KIRREL3: variants seen among roughly 807,000 people sequenced by gnomAD.
The protein encoded by KIRREL3 is kirre like nephrin family adhesion molecule 3.
A neutral mutation model predicts 89.7 loss-of-function variants in KIRREL3; 36 were observed. The observed-to-expected ratio is 0.40, with a 90% CI of 0.31 to 0.53. The LOEUF (loss-of-function observed/expected upper bound fraction) is 0.53. KIRREL3 is among the 20% of genes least tolerant of loss of function. KIRREL3 has a pLI of 0.49. For synonymous variants in KIRREL3, 445 were observed against 441.4 expected (o/e 1.01, Z -0.10); for missense variants, 864 against 1,056.6 (o/e 0.82, Z 2.53).
Position 126,557,295 on chromosome 11 carries a change from T to C in KIRREL3, c.133+5540A>G. ...GACAGATGGGAGAAAGAAACACGGA[T>C]CCACCTTCAGAGGCTGCCAAGGAAA... On this transcript the variant is annotated intron_variant, in intron 2 of 16. Coordinates refer to ENST00000525144, the MANE Select transcript of KIRREL3 (RefSeq NM_032531.4). The surrounding 1 kb of genome is among the most constrained non-coding windows in gnomAD (Gnocchi z 5.6). 6.6e-6 allele frequency among the ~76,000 whole-genome samples: 1 copy of C among 152,206 alleles called. No homozygotes were observed. Among genetic ancestry groups the C allele is most frequent in the East Asian group, 1.9e-4 (1 of 5,188 alleles).
rs933836760 is a variant in KIRREL3, at chr11:126,486,049, C to T, written c.434-12583G>A. ...AAACCCTGAAAGAGGGTCTGAGCAT[C>T]TCAGGGCAGAGCTACTTGTGAGGAG... On this transcript the variant is annotated intron_variant, in intron 4 of 16. Transcript: ENST00000525144. The surrounding 1 kb of genome is among the most constrained non-coding windows in gnomAD (Gnocchi z 6.2). 1.1e-4 allele frequency among the ~76,000 whole-genome samples: 17 copies of T among 152,186 alleles called. No individual in the cohort carries two copies. The highest frequency in any genetic ancestry group is 3.9e-4 in the African/African-American group (16 of 41,440).
chr11:126,456,763 A>T (rs1956357857), intron 6 of KIRREL3, among the ~76,000 whole-genome samples: 1 of 152,048 alleles, frequency 6.6e-6, no homozygotes, highest in Non-Finnish European at 1.5e-5. Flanking sequence ...ATAATCTAGG[A>T]AGGAGAGGTG....
At chr11:126,629,874 C>T (rs1472246470) in intron 1 of KIRREL3, among the ~76,000 whole-genome samples, 1 of 152,196 alleles carries the variant, frequency 6.6e-6, no homozygotes, top group Admixed American at 6.5e-5. Flanking sequence ...CTCTTTCTAA[C>T]CCCAAGATAC....
rs973018047 is a variant in KIRREL3 at position 126,639,635 on chromosome 11, G to A, written c.56-76723C>T. On this transcript the variant is annotated intron_variant, in intron 1 of 16. Coordinates refer to ENST00000525144, the MANE Select transcript of KIRREL3 (RefSeq NM_032531.4). This position sits in a 1 kb window ranked among gnomAD's most constrained non-coding sequence, Gnocchi z 4.3. ...TAATCCTGACTCTATTCTTTCGTCTGCTCTGCTAGCTGGCCCTACTTGTAC... is the reference window on the plus strand; with the variant it reads ...TAATCCTGACTCTATTCTTTCGTCTACTCTGCTAGCTGGCCCTACTTGTAC... 2.0e-5 allele frequency among the ~76,000 whole-genome samples: 3 copies of A among 152,200 alleles called. No homozygotes were observed. Among genetic ancestry groups the A allele is most frequent in the Admixed American group, 2.0e-4 (3 of 15,282 alleles).
chr11:126,998,734 A>C (rs1950239374), intron 1 of KIRREL3, among the ~76,000 whole-genome samples: 1 of 152,208 alleles, frequency 6.6e-6, no homozygotes, highest in Non-Finnish European at 1.5e-5. Context: ...TTCTTATGCC[A>C]ATCTACATAA....
At position 126,904,778 on chromosome 11, in the gene KIRREL3, A is replaced by G. The variant is rs1171557473; in HGVS notation, c.55+95677T>C. ...TCTATTTTTATCCTATGTTCACTCA[A>G]TATTTGTAGCATTCTCTTTGCGTCT... On this transcript the variant is annotated intron_variant, in intron 1 of 16. Coordinates refer to ENST00000525144, the MANE Select transcript of KIRREL3 (RefSeq NM_032531.4). This position sits in a 1 kb window ranked among gnomAD's most constrained non-coding sequence, Gnocchi z 4.4. Among the ~76,000 whole-genome samples, 1 of 152,170 alleles carries G rather than the reference A, an allele frequency of 6.6e-6. No individual in the cohort carries two copies. The highest frequency in any genetic ancestry group is 1.5e-5 in the Non-Finnish European group (1 of 68,026).
At chr11:126,856,555 GTATATATATATATA>G (rs36218965) in intron 1 of KIRREL3, among the ~76,000 whole-genome samples, 56 of 136,746 alleles carry the variant, frequency 4.1e-4, no homozygotes, top group Admixed American at 5.1e-4. Flanking sequence ...ATTTTTCTAA[GTATATATATATATA>G]TATATATATA....
chr11:126,889,793 G>C (rs1051365490), intron 1 of KIRREL3, among the ~76,000 whole-genome samples: 1 of 152,186 alleles, frequency 6.6e-6, no homozygotes, highest in African/African-American at 2.4e-5. Flanking sequence ...TGGATAATTA[G>C]ATATCTTTTG....
intron 1 of KIRREL3, among the ~76,000 whole-genome samples, chr11:126,658,320 G>C (rs10790819): frequency 0.16 from 24,094 of 152,056 alleles, 2,427 homozygotes; most frequent in East Asian, 0.42. Flanking sequence ...AATTATCTAG[G>C]GAAACTCATA....
At chr11:126,438,333 C>G (rs1181913523) in intron 11 of KIRREL3, among the ~76,000 whole-genome samples, 1 of 152,234 alleles carries the variant, frequency 6.6e-6, no homozygotes, top group Non-Finnish European at 1.5e-5. Flanking sequence ...CTGTCTGCAC[C>G]TCATCGTGTA....
intron 2 of KIRREL3, among the ~76,000 whole-genome samples, chr11:126,533,252 A>G (rs1447998027): frequency 6.6e-6 from 1 of 152,218 alleles, no homozygotes; most frequent in Admixed American, 6.5e-5. Context: ...CAGCACTGGC[A>G]GTGAGAAGGG....
rs752571193 is a variant in KIRREL3, at chr11:127,000,419, G to A, written c.55+36C>T. On this transcript the variant is annotated intron_variant, in intron 1 of 16. Coordinates refer to ENST00000525144, the MANE Select transcript of KIRREL3 (RefSeq NM_032531.4). The surrounding 1 kb of genome is among the most constrained non-coding windows in gnomAD (Gnocchi z 7.1). The stretch of plus-strand genomic sequence containing the variant: ...CCTCCCGCGCCCTGACAACCCAGCC[G>A]ACTTTCTTCCAACTCCAGCAGCGCA... 160 of 1,568,498 alleles carry A rather than the reference G, an allele frequency of 1.0e-4. No individual in the cohort carries two copies. The highest frequency in any genetic ancestry group is 1.3e-4 in the Non-Finnish European group (153 of 1,155,946).
intron 1 of KIRREL3, among the ~76,000 whole-genome samples, chr11:126,665,037 C>G (rs1414266221): frequency 1.3e-5 from 2 of 152,208 alleles, no homozygotes; most frequent in African/African-American, 4.8e-5. Context: ...CTTTATCCAG[C>G]TTGTATCCTC....
chr11:126,654,808 T>A (rs938265252), intron 1 of KIRREL3, among the ~76,000 whole-genome samples: 4 of 152,240 alleles, frequency 2.6e-5, no homozygotes, highest in Non-Finnish European at 4.4e-5. Flanking sequence ...TTTATTTTTT[T>A]ATTTTTTTAC....
At chr11:126,916,793 T>G (rs565390280) in intron 1 of KIRREL3, among the ~76,000 whole-genome samples, 1 of 152,172 alleles carries the variant, frequency 6.6e-6, no homozygotes, top group African/African-American at 2.4e-5. Context: ...AGTTACATGG[T>G]CCAAACTTCT....
At chr11:126,798,185 G>A (rs1592142551) in intron 1 of KIRREL3, among the ~76,000 whole-genome samples, 1 of 492 alleles carries the variant, frequency 2.0e-3, no homozygotes, top group South Asian at 0.17. Context: ...CCCAAGGGTG[G>A]CCTGGAGAGG....
chr11:126,839,723 G>A (rs1268926288), intron 1 of KIRREL3, among the ~76,000 whole-genome samples: 1 of 152,130 alleles, frequency 6.6e-6, no homozygotes, highest in African/African-American at 2.4e-5. Flanking sequence ...CATCCAGGCG[G>A]GTTCCTCTGC....
intron 1 of KIRREL3, among the ~76,000 whole-genome samples, chr11:126,873,147 A>G (rs887736164): frequency 8.5e-5 from 13 of 152,240 alleles, no homozygotes; most frequent in Non-Finnish European, 1.5e-4. Context: ...TCAAAAGTAC[A>G]TATAATAATA....
chr11:126,712,507 C>T (rs529984298), intron 1 of KIRREL3, among the ~76,000 whole-genome samples: 3 of 152,282 alleles, frequency 2.0e-5, no homozygotes, highest in African/African-American at 7.2e-5. Context: ...TGTTGGGTTG[C>T]CCCCTTTTCC....
Sources: gnomAD v4.1 joint callset for allele counts (sites outside exome capture counted in the v4.1 genomes callset) on GRCh38, gnomAD v4.1.1 for gene constraint, Gnocchi (gnomAD v3.1) non-coding constraint, MANE v1.5 for transcripts, NCBI Gene and HGNC (gene_info 2026-07-23, HGNC 2026-07-21) for gene names.